LARGE1: variants seen among roughly 807,000 people sequenced by gnomAD.
LARGE1 encodes the protein xylosyl- and glucuronyltransferase LARGE1.
Under a neutral mutation model 87.6 loss-of-function variants are expected in LARGE1, and 43 were observed. That is an observed-to-expected ratio of 0.49 (90% CI 0.38 to 0.63). The LOEUF (loss-of-function observed/expected upper bound fraction) is 0.63, where lower values mean the gene tolerates loss of function less well. LARGE1 is among the 30% of genes least tolerant of loss of function. LARGE1 has a pLI of 0.00. For synonymous variants in LARGE1, 434 were observed against 394.6 expected (o/e 1.10, Z -1.18); for missense variants, 802 against 1,000.2 (o/e 0.80, Z 2.67).
intron 2 of LARGE1, among the ~76,000 whole-genome samples, chr22:33,658,881 C>A (rs2081045877): frequency 6.6e-6 from 1 of 152,158 alleles, no homozygotes; most frequent in South Asian, 2.1e-4. Context: ...TTTCCCCAGA[C>A]TCTCTAGATT....
At chr22:33,891,986 C>T (rs1207139292) in intron 1 of LARGE1, among the ~76,000 whole-genome samples, 1 of 152,198 alleles carries the variant, frequency 6.6e-6, no homozygotes, top group Non-Finnish European at 1.5e-5. Flanking sequence ...TCAAAAGCCA[C>T]TCTCACCATG....
chr22:33,276,285 TTTTG>T (rs145710420), intron 14 of LARGE1, among the ~76,000 whole-genome samples: 6,963 of 152,232 alleles, frequency 0.046, 214 homozygotes, highest in Middle Eastern at 0.088. Flanking sequence ...GCAGTTTTGC[TTTTG>T]TTTGTTTAAC....
At chr22:33,677,308 GA>G (rs2081613450) in intron 2 of LARGE1, among the ~76,000 whole-genome samples, 2 of 131,978 alleles carry the variant, frequency 1.5e-5, no homozygotes, top group African/African-American at 5.7e-5. Context: ...AAAAAAAAAA[GA>G]AAAGAAAAAC....
chr22:33,850,493 G>A (rs1332115205), intron 1 of LARGE1, among the ~76,000 whole-genome samples: 2 of 152,092 alleles, frequency 1.3e-5, no homozygotes, highest in Non-Finnish European at 2.9e-5. Flanking sequence ...TGAATTTATT[G>A]CAAGTACTAA....
intron 1 of LARGE1, among the ~76,000 whole-genome samples, chr22:33,870,919 G>A (rs967679663): frequency 1.1e-3 from 161 of 152,134 alleles, no homozygotes; most frequent in African/African-American, 3.7e-3. Context: ...TAAATCATTT[G>A]CATAAGGGCA....
At position 33,337,324 on chromosome 22, in the gene LARGE1, T is replaced by C. The variant is rs188251095; in HGVS notation, c.1287+322A>G. Among the ~76,000 whole-genome samples, 278 of 152,228 alleles carry C rather than the reference T, an allele frequency of 1.8e-3. 2 individuals are homozygous for C. Among genetic ancestry groups the C allele is most frequent in the South Asian group, 6.4e-3 (31 of 4,818 alleles). ...TGTGGGTATCATGTCCACAAAAACA[T>C]TGGTGTTTCCTGGCTATGAGAGACA... On this transcript the variant is annotated intron_variant, in intron 10 of 14. Transcript: ENST00000397394.
the LARGE1 span, among the ~76,000 whole-genome samples, chr22:33,096,675 C>T: frequency 6.6e-6 from 1 of 150,948 alleles, no homozygotes; most frequent in Non-Finnish European, 1.5e-5. Context: ...CGCCATTCTC[C>T]TGCCTCCGCC....
At chr22:33,165,261 G>A (rs1372351431) in exon 12 of LARGE1, 1 of 152,166 alleles carries the variant, frequency 6.6e-6, no homozygotes, top group Non-Finnish European at 1.5e-5. Flanking sequence ...GAAAAACCTT[G>A]ATGATAGTTG....
chr22:33,290,019 C>T (rs899934945), intron 12 of LARGE1, among the ~76,000 whole-genome samples: 1 of 152,068 alleles, frequency 6.6e-6, no homozygotes, highest in Admixed American at 6.6e-5. Context: ...TAGGCTTGCC[C>T]GGGTTCTGCA....
chr22:33,882,626 CA>C, intron 1 of LARGE1, among the ~76,000 whole-genome samples: 1 of 152,276 alleles, frequency 6.6e-6, no homozygotes, highest in South Asian at 2.1e-4. Flanking sequence ...ACTAAGACTA[CA>C]AATAAGGTAT....
intron 11 of LARGE1, among the ~76,000 whole-genome samples, chr22:33,208,861 A>G (rs60892984): frequency 0.22 from 33,370 of 151,910 alleles, 4,012 homozygotes; most frequent in Middle Eastern, 0.33. Flanking sequence ...TGAGAATGAT[A>G]GCTTCTAGCT....
At chr22:33,531,490 C>T (rs1336377700) in intron 6 of LARGE1, among the ~76,000 whole-genome samples, 1 of 152,170 alleles carries the variant, frequency 6.6e-6, no homozygotes, top group East Asian at 1.9e-4. Flanking sequence ...ATTATCTCTC[C>T]AACTACCTGG....
At chr22:33,625,482 T>C (rs779637503) in intron 4 of LARGE1, among the ~76,000 whole-genome samples, 11 of 152,052 alleles carry the variant, frequency 7.2e-5, no homozygotes, top group Non-Finnish European at 5.9e-5. Flanking sequence ...CATCCGCAGG[T>C]TGGGAAACAG....
chr22:33,305,835 T>C (rs1459476882), intron 11 of LARGE1, among the ~76,000 whole-genome samples: 2 of 117,602 alleles, frequency 1.7e-5, no homozygotes, highest in African/African-American at 8.6e-5. Flanking sequence ...AACATTTCTT[T>C]TTCTTTTTCT....
intron 2 of LARGE1, among the ~76,000 whole-genome samples, chr22:33,745,991 C>CA (rs1569422445): frequency 6.6e-6 from 1 of 152,204 alleles, no homozygotes. Context: ...AGAGAGATCA[C>CA]ACAAGGCATG....
chr22:33,620,970 G>T (rs494959), intron 4 of LARGE1, among the ~76,000 whole-genome samples: 1 of 151,672 alleles, frequency 6.6e-6, no homozygotes, highest in African/African-American at 2.4e-5. Flanking sequence ...CCAAACACAA[G>T]ACGCAAAAGT....
chr22:33,915,846 A>G (rs922009689), intron 1 of LARGE1, among the ~76,000 whole-genome samples: 1 of 152,128 alleles, frequency 6.6e-6, no homozygotes, highest in African/African-American at 2.4e-5. Context: ...AACTATGACT[A>G]TTCTCCATAC....
At chr22:33,274,667 G>T in intron 14 of LARGE1, 43 bp from the exon 15 acceptor site, 1 of 1,569,170 alleles carries the variant, frequency 6.4e-7, no homozygotes, top group Non-Finnish European at 8.8e-7. Context: ...CAAGAGCCGA[G>T]GGTCATGCAT....
intron 7 of LARGE1, among the ~76,000 whole-genome samples, chr22:33,388,404 C>T (rs1045261582): frequency 1.3e-5 from 2 of 152,202 alleles, no homozygotes; most frequent in Non-Finnish European, 2.9e-5. Flanking sequence ...CTCTTACAGT[C>T]AGCCATTACT....
Sources: allele counts gnomAD v4.1 joint callset (sites outside exome capture counted in the v4.1 genomes callset), GRCh38; gene constraint gnomAD v4.1.1; transcripts MANE v1.5; gene names NCBI Gene and HGNC (gene_info 2026-07-23, HGNC 2026-07-21).